Variants in TRMT9B observed in about 807,000 individuals in gnomAD.
TRMT9B encodes the protein probable tRNA methyltransferase 9B.
TRMT9B carries 16 observed loss-of-function variants against 11.5 expected under a neutral mutation model. The ratio of observed to expected loss-of-function variants is 1.39; its 90% CI spans 0.94 to 2.11. TRMT9B has a LOEUF of 2.11. Among genes scored for constraint, TRMT9B ranks in the 30% most tolerant of loss-of-function variants. TRMT9B has a pLI of 0.00. For missense variants in TRMT9B, 941 were observed against 553.8 expected, an observed-to-expected ratio of 1.70 and a Z score of -7.02; for synonymous variants, 274 against 192.4, an observed-to-expected ratio of 1.42 and a Z score of -3.51.
chr8:12,979,485 A>C (rs1170980063), intron 1 of TRMT9B, among the ~76,000 whole-genome samples: 1 of 152,168 alleles, frequency 6.6e-6, no homozygotes, highest in Non-Finnish European at 1.5e-5. Flanking sequence ...CAAAATAAAA[A>C]AAAATAAAAA....
At chr8:13,013,553 A>T (rs573672687) in intron 4 of TRMT9B, among the ~76,000 whole-genome samples, 1 of 152,060 alleles carries the variant, frequency 6.6e-6, no homozygotes, top group South Asian at 2.1e-4. Context: ...ATGCAGGGAA[A>T]CTTGATATTT....
At chr8:12,991,941 A>C (rs1262705864) in intron 2 of TRMT9B, among the ~76,000 whole-genome samples, 1 of 152,158 alleles carries the variant, frequency 6.6e-6, no homozygotes, top group East Asian at 1.9e-4. Context: ...CAAAAACAAC[A>C]ACAACAACAG....
At chr8:12,948,187 C>T (rs980400915) in intron 1 of TRMT9B, among the ~76,000 whole-genome samples, 2 of 152,140 alleles carry the variant, frequency 1.3e-5, no homozygotes, top group Admixed American at 1.3e-4. Flanking sequence ...GCTCAGAACA[C>T]TTACATTAAC....
At chr8:13,006,471 A>C in intron 3 of TRMT9B, 115 bp downstream of exon 3, 1 of 1,563,672 alleles carries the variant, frequency 6.4e-7, no homozygotes, top group Admixed American at 1.8e-5. Flanking sequence ...TTGCTGTCAT[A>C]GGTAACCCAG....
intron 1 of TRMT9B, among the ~76,000 whole-genome samples, chr8:12,987,526 A>G (rs916977585): frequency 2.0e-5 from 3 of 152,096 alleles, no homozygotes; most frequent in Non-Finnish European, 4.4e-5. Flanking sequence ...CCCCATTTCT[A>G]CAAAAATCAC....
In TRMT9B at chr8:13,026,206, A is replaced by G. The variant is rs1298276549; in HGVS notation, c.*4162A>G. The G allele has an allele frequency of 6.0e-6, 1 of 167,112 alleles. No homozygotes were observed. The highest frequency in any genetic ancestry group is 1.5e-5 in the Non-Finnish European group (1 of 68,132). The allele number at this position is 167,112 out of a possible 1,614,324, so 10.4% of individuals were successfully genotyped here. A position where few individuals can be genotyped will look rare whatever the true frequency, so the allele number is the denominator to read the frequency against. On this transcript the variant is annotated 3_prime_UTR_variant, in exon 5 of 5. Coordinates refer to ENST00000524591, the MANE Select transcript of TRMT9B (RefSeq NM_020844.3). ...GGGCAGGCCTCAGCATCTCTTTCCT[A>G]TTACATAGAAAATCTGAAATGAGAA...
At chr8:12,990,448 TA>T (rs1807141445) in intron 1 of TRMT9B, among the ~76,000 whole-genome samples, 1 of 152,168 alleles carries the variant, frequency 6.6e-6, no homozygotes, top group Non-Finnish European at 1.5e-5. Flanking sequence ...TAGCTAGTAA[TA>T]TGGAAAATAT....
At chr8:12,976,360 A>T (rs1804447642) in intron 1 of TRMT9B, among the ~76,000 whole-genome samples, 1 of 118,098 alleles carries the variant, frequency 8.5e-6, no homozygotes, top group African/African-American at 2.9e-5. Flanking sequence ...GGCATTGTTT[A>T]TGCTTTACTT....
chr8:12,996,537 C>T (rs1049508573), intron 2 of TRMT9B, among the ~76,000 whole-genome samples: 1 of 152,138 alleles, frequency 6.6e-6, no homozygotes, highest in African/African-American at 2.4e-5. Flanking sequence ...GATCTTTGAA[C>T]CCAGTGATCT....
At chr8:12,995,169 C>A (rs557316225) in intron 2 of TRMT9B, among the ~76,000 whole-genome samples, 1 of 152,278 alleles carries the variant, frequency 6.6e-6, no homozygotes, top group African/African-American at 2.4e-5. Flanking sequence ...CAATACAACT[C>A]TAGACTTTCT....
intron 3 of TRMT9B, 79 bp from the exon 4 acceptor site, chr8:13,012,600 AATTAT>A: frequency 1.4e-6 from 2 of 1,448,980 alleles, no homozygotes; most frequent in East Asian, 4.7e-5. Context: ...ATAAAAGGTT[AATTAT>A]ATTTCTTGTT....
At chr8:13,010,011 G>A (rs571261099) in intron 3 of TRMT9B, among the ~76,000 whole-genome samples, 1 of 151,960 alleles carries the variant, frequency 6.6e-6, no homozygotes, top group South Asian at 2.1e-4. Flanking sequence ...TGATACACGT[G>A]CCTGTAGTCT....
chr8:13,018,839 GAA>G (rs144235241), intron 4 of TRMT9B, among the ~76,000 whole-genome samples: 2,563 of 152,232 alleles, frequency 0.017, 38 homozygotes, highest in Non-Finnish European at 0.026. Flanking sequence ...CCAAGGCTTA[GAA>G]ACACTAAATA....
At chr8:12,987,054 C>G (rs918982475) in intron 1 of TRMT9B, among the ~76,000 whole-genome samples, 2 of 152,212 alleles carry the variant, frequency 1.3e-5, no homozygotes, top group Non-Finnish European at 2.9e-5. Flanking sequence ...CTCCTGCCCT[C>G]TCTTCCAGCC....
At chr8:12,997,623 T>C (rs757248799) in intron 2 of TRMT9B, among the ~76,000 whole-genome samples, 47 of 152,200 alleles carry the variant, frequency 3.1e-4, no homozygotes, top group Non-Finnish European at 5.7e-4. Flanking sequence ...TACCACAATT[T>C]ATTTGATCAT....
intron 1 of TRMT9B, among the ~76,000 whole-genome samples, chr8:12,976,091 C>T (rs1804402115): frequency 6.6e-6 from 1 of 152,142 alleles, no homozygotes; most frequent in African/African-American, 2.4e-5. Context: ...AATAAATGTG[C>T]CCCAGGGAAG....
At chr8:12,955,250 G>A (rs181560241) in intron 1 of TRMT9B, among the ~76,000 whole-genome samples, 265 of 152,248 alleles carry the variant, frequency 1.7e-3, no homozygotes, top group African/African-American at 6.1e-3. Flanking sequence ...TGTCACACTT[G>A]CATCTTCTCC....
rs182272656 is a variant in TRMT9B, at chr8:12,961,337, A to C, written c.-200+15371A>C. Among the ~76,000 whole-genome samples the C allele has an allele frequency of 3.2e-3, 480 of 152,296 alleles. 2 individuals are homozygous for C. Among genetic ancestry groups the C allele is most frequent in the African/African-American group, 0.011 (461 of 41,564 alleles). ...AAGTACCACACCAATGCAATATTTT[A>C]ATTTAAAAAAATCATATTTTTTTTA... On this transcript the variant is annotated intron_variant, in intron 1 of 4. Coordinates refer to ENST00000524591, the MANE Select transcript of TRMT9B (RefSeq NM_020844.3).
intron 3 of TRMT9B, chr8:13,006,662 C>T: frequency 7.4e-7 from 1 of 1,349,396 alleles, no homozygotes; most frequent in Non-Finnish European, 9.5e-7. Context: ...CTTTCTCAAA[C>T]TTTTATTTTA....
Sources: allele counts gnomAD v4.1 joint callset (sites outside exome capture counted in the v4.1 genomes callset), GRCh38; gene constraint gnomAD v4.1.1; transcripts MANE v1.5; gene names NCBI Gene and HGNC (gene_info 2026-07-23, HGNC 2026-07-21).